The following VGLL3 variants were observed in gnomAD, a reference collection of about 807,000 sequenced individuals.
The protein encoded by VGLL3 is transcription cofactor vestigial-like protein 3.
A neutral mutation model predicts 29.2 loss-of-function variants in VGLL3; 18 were observed. The ratio of observed to expected loss-of-function variants is 0.62; its 90% CI spans 0.43 to 0.91. VGLL3 has a LOEUF of 0.91. Ranked by LOEUF, VGLL3 falls within the 40% of genes least tolerant of loss-of-function variation. VGLL3 has a pLI of 0.00. For synonymous variants in VGLL3, 180 were observed against 151.8 expected (o/e 1.19, Z -1.36); for missense variants, 440 against 413.2 (o/e 1.06, Z -0.56).
At chr3:86,989,937 C>G (rs1177976185) in intron 1 of VGLL3, among the ~76,000 whole-genome samples, 1 of 152,136 alleles carries the variant, frequency 6.6e-6, no homozygotes, top group African/African-American at 2.4e-5. Flanking sequence ...AGAGTGGAGA[C>G]TCAGCATCCA....
chr3:86,948,819 GA>G (rs528291834), intron 3 of VGLL3, among the ~76,000 whole-genome samples: 9 of 151,754 alleles, frequency 5.9e-5, no homozygotes, highest in African/African-American at 1.2e-4. Context: ...ATGAGAGGGA[GA>G]AAAAAAATAA....
chr3:86,959,187 GA>G (rs534378422), intron 3 of VGLL3, among the ~76,000 whole-genome samples: 70 of 152,088 alleles, frequency 4.6e-4, no homozygotes, highest in African/African-American at 1.6e-3. Context: ...TAATGAGATG[GA>G]AAAAAATCAT....
rs1016247784 is a variant in VGLL3 at position 86,962,509 on chromosome 3, A to T, written c.937+6081T>A. On this transcript the variant is annotated intron_variant, in intron 3 of 3. Coordinates refer to ENST00000398399, the MANE Select transcript of VGLL3 (RefSeq NM_016206.4). ...CTACCAAACCTCAAACTCTACTATA[A>T]TATGTTGTAATGAATCTTAACAATT... 67 of 985,246 alleles carry T rather than the reference A, an allele frequency of 6.8e-5. No individual in the cohort carries two copies. The African/African-American group carries it at 1.1e-3, about 17-fold the overall frequency. The allele number at this position is 985,246 out of a possible 1,614,324, so 61.0% of individuals were successfully genotyped here.
rs1249271340 is a variant in VGLL3 at position 86,978,508 on chromosome 3, C to T, written c.403+18G>A. The T allele has an allele frequency of 2.5e-6, 4 of 1,611,434 alleles. No homozygotes were observed. Among genetic ancestry groups the T allele is most frequent in the East Asian group, 4.5e-5 (2 of 44,856 alleles). On this transcript the variant is annotated intron_variant, in intron 2 of 3. Transcript: ENST00000398399. ...ACAAAGACAGTGCCCTGGAGAACATCTGCTTTTGAATTCTTACCTCGCCAT... is the reference window on the plus strand; with the variant it reads ...ACAAAGACAGTGCCCTGGAGAACATTTGCTTTTGAATTCTTACCTCGCCAT...
At position 86,946,057 on chromosome 3, in the gene VGLL3, A is replaced by T. The variant is rs1241841303; in HGVS notation, c.*967T>A. 6.6e-6 allele frequency: 1 copy of T among 152,174 alleles called. No homozygotes were observed. Among genetic ancestry groups the T allele is most frequent in the Non-Finnish European group, 1.5e-5 (1 of 68,016 alleles). 9.4% of individuals were successfully genotyped at this position (152,174 alleles called of 1,614,324 possible). A position where few individuals can be genotyped will look rare whatever the true frequency, so the allele number is the denominator to read the frequency against. On this transcript the variant is annotated 3_prime_UTR_variant, in exon 4 of 4. Coordinates refer to ENST00000398399, the MANE Select transcript of VGLL3 (RefSeq NM_016206.4). ...TAATTAAAAACAAGTAAAATAAGTC[A>T]CTGGCACTCATAGGTGGCATGGTTA...
At chr3:86,970,483 G>GCACACACACACACACACACACACA (rs10694503) in intron 2 of VGLL3, among the ~76,000 whole-genome samples, 12 of 141,200 alleles carry the variant, frequency 8.5e-5, no homozygotes, top group Non-Finnish European at 1.7e-4. Context: ...TTACACACAC[G>GCACACACACACACACACACACACA]CACACACACA....
At chr3:86,966,502 G>A (rs1704962016) in intron 3 of VGLL3, among the ~76,000 whole-genome samples, 1 of 151,842 alleles carries the variant, frequency 6.6e-6, no homozygotes, top group East Asian at 2.0e-4. Flanking sequence ...AGGGCAGCAT[G>A]CCACACATGC....
At chr3:86,977,461 C>T (rs951789609) in intron 2 of VGLL3, among the ~76,000 whole-genome samples, 1 of 152,160 alleles carries the variant, frequency 6.6e-6, no homozygotes, top group African/African-American at 2.4e-5. Flanking sequence ...ATAGGAATTA[C>T]CCAGAGCCCT....
intron 2 of VGLL3, among the ~76,000 whole-genome samples, chr3:86,971,772 G>A (rs1181088391): frequency 6.6e-6 from 1 of 152,196 alleles, no homozygotes; most frequent in Non-Finnish European, 1.5e-5. Context: ...CACAATGAAA[G>A]CCATCAATGT....
intron 3 of VGLL3, among the ~76,000 whole-genome samples, chr3:86,967,778 G>C (rs921972820): frequency 6.6e-6 from 1 of 152,154 alleles, no homozygotes; most frequent in Non-Finnish European, 1.5e-5. Context: ...CATGAGCTCA[G>C]AACTATGAAT....
chr3:86,966,293 C>T (rs115336595), intron 3 of VGLL3, among the ~76,000 whole-genome samples: 1,843 of 152,214 alleles, frequency 0.012, 13 homozygotes, highest in Non-Finnish European at 0.021. Flanking sequence ...CCCAGAACTG[C>T]ATGTTCCAGA....
At chr3:86,947,446 T>G (rs903046490) in intron 3 of VGLL3, among the ~76,000 whole-genome samples, 8 of 152,206 alleles carry the variant, frequency 5.3e-5, no homozygotes, top group Non-Finnish European at 8.8e-5. Context: ...ATTTATGCAG[T>G]GCTTCAATTA....
chr3:86,970,373 G>A (rs1320148146), intron 2 of VGLL3, among the ~76,000 whole-genome samples: 1 of 152,026 alleles, frequency 6.6e-6, no homozygotes, highest in Non-Finnish European at 1.5e-5. Flanking sequence ...CCCCGACCCA[G>A]CTTAGAGAGT....
intron 2 of VGLL3, among the ~76,000 whole-genome samples, chr3:86,977,334 A>G (rs1575876349): frequency 6.6e-6 from 1 of 152,228 alleles, no homozygotes; most frequent in East Asian, 1.9e-4. Flanking sequence ...CAGCAATTCC[A>G]TGTGGCCAGG....
At chr3:86,961,125 G>T (rs1704830189) in intron 3 of VGLL3, among the ~76,000 whole-genome samples, 1 of 151,740 alleles carries the variant, frequency 6.6e-6, no homozygotes, top group Non-Finnish European at 1.5e-5. Context: ...CAAAATTGTA[G>T]CTAAAATAAC....
rs1705575766 is a variant in VGLL3 at position 86,991,009 on chromosome 3, C to T, written c.-266G>A. ...CCGCGCTTATATAGCGGCTCAGGGA[C>T]GCAGCCGCCCGCTGCGCCGCTGGGG... On this transcript the variant is annotated 5_prime_UTR_variant, in exon 1 of 4. Coordinates refer to ENST00000398399, the MANE Select transcript of VGLL3 (RefSeq NM_016206.4). 1 of 881,850 alleles carries T rather than the reference C, an allele frequency of 1.1e-6. No homozygotes were observed. Among genetic ancestry groups the T allele is most frequent in the Non-Finnish European group, 1.4e-6 (1 of 727,976 alleles). 54.6% of individuals were successfully genotyped at this position (881,850 alleles called of 1,614,324 possible). A position where few individuals can be genotyped will look rare whatever the true frequency, so the allele number is the denominator to read the frequency against.
chr3:86,959,422 C>T (rs1232005681), intron 3 of VGLL3, among the ~76,000 whole-genome samples: 1 of 152,074 alleles, frequency 6.6e-6, no homozygotes, highest in Non-Finnish European at 1.5e-5. Context: ...AATGTATGCT[C>T]CCTGAGAAGA....
chr3:86,961,962 G>C (rs1704852867), intron 3 of VGLL3: 1 of 981,560 alleles, frequency 1.0e-6, no homozygotes, highest in Middle Eastern at 5.2e-4. Flanking sequence ...ATGCTATAGG[G>C]AACTGTGATC....
intron 3 of VGLL3, among the ~76,000 whole-genome samples, chr3:86,953,560 A>C (rs1028301891): frequency 6.6e-6 from 1 of 152,294 alleles, no homozygotes; most frequent in South Asian, 2.1e-4. Context: ...TGTGGTGGCT[A>C]AATGTGTTTA....
Sources: allele counts gnomAD v4.1 joint callset (sites outside exome capture counted in the v4.1 genomes callset), GRCh38; gene constraint gnomAD v4.1.1; transcripts MANE v1.5; gene names NCBI Gene and HGNC (gene_info 2026-07-23, HGNC 2026-07-21).